Variants in PLD1 observed in about 807,000 individuals in gnomAD.
PLD1 encodes the protein phospholipase D1, also known as choline phosphatase 1.
In PLD1, 112 loss-of-function variants were observed where a neutral mutation model predicts 137.1. The ratio of observed to expected loss-of-function variants is 0.82; its 90% CI spans 0.70 to 0.96. The LOEUF (loss-of-function observed/expected upper bound fraction) is 0.96. Among genes scored for constraint, PLD1 ranks in the 40% least tolerant of loss-of-function variants. The probability of loss-of-function intolerance (pLI) is 0.00; values close to 1 mark genes in which losing one functional copy is unlikely to be tolerated. For synonymous variants in PLD1, 431 were observed against 454.7 expected (o/e 0.95, Z 0.66); for missense variants, 1,321 against 1,342.0 (o/e 0.98, Z 0.24).
intron 23 of PLD1, among the ~76,000 whole-genome samples, chr3:171,635,427 TTTATTA>T (rs138861146): frequency 2.0e-5 from 3 of 151,540 alleles, no homozygotes; most frequent in East Asian, 1.9e-4. Context: ...TTGCCAATAC[TTTATTA>T]TTATTATTAT....
intron 1 of PLD1, among the ~76,000 whole-genome samples, chr3:171,743,394 T>C (rs1578396448): frequency 6.6e-6 from 1 of 152,220 alleles, no homozygotes; most frequent in East Asian, 1.9e-4. Flanking sequence ...ATTTCTGGAC[T>C]GTACTACACT....
intron 1 of PLD1, among the ~76,000 whole-genome samples, chr3:171,742,950 T>A (rs1008044677): frequency 5.9e-5 from 9 of 152,210 alleles, no homozygotes; most frequent in East Asian, 5.8e-4. Context: ...ACTTTTTTTT[T>A]AAAAGGAACA....
At chr3:171,808,126 T>G (rs2108363725) in intron 1 of PLD1, among the ~76,000 whole-genome samples, 1 of 152,232 alleles carries the variant, frequency 6.6e-6, no homozygotes, top group Non-Finnish European at 1.5e-5. Flanking sequence ...GGTACTATGC[T>G]CACCACCTGG....
chr3:171,618,097 C>A (rs1385667622), intron 24 of PLD1, among the ~76,000 whole-genome samples: 1 of 151,782 alleles, frequency 6.6e-6, no homozygotes, highest in Non-Finnish European at 1.5e-5. Context: ...GAAATCGATT[C>A]TCTAAGGCAC....
In PLD1 at chr3:171,709,684, A is replaced by G; in HGVS notation, c.937T>C (p.Tyr313His). Reference protein sequence around the residue: ...SRTLILKCNSYRHARWWGGAI... With the variant: ...SRTLILKCNSHRHARWWGGAI... ...CCTCCCCACCACCGAGCATGTCTATAGCTGTTGCATTTTAAAATAAGTGTC... is the reference window on the plus strand; with the variant it reads ...CCTCCCCACCACCGAGCATGTCTATGGCTGTTGCATTTTAAAATAAGTGTC... Residue 313 changes from tyrosine to histidine, a missense_variant, in exon 10 of 27, where the codon TAT becomes CAT. Tyr to His is a moderately conservative substitution (Grantham distance 83, BLOSUM62 2). Transcript: ENST00000351298. The G allele has an allele frequency of 6.2e-7, 1 of 1,613,212 alleles. No homozygotes were observed. The highest frequency in any genetic ancestry group is 1.1e-5 in the South Asian group (1 of 90,740).
At chr3:171,674,730 C>T (rs1713157614) in intron 18 of PLD1, 117 bp from the exon 19 acceptor site, 1 of 536,228 alleles carries the variant, frequency 1.9e-6, no homozygotes, top group Non-Finnish European at 3.4e-6. Flanking sequence ...GTAATCCCAG[C>T]ACTTTGGGAG....
chr3:171,718,092 A>G (rs1298151934), intron 8 of PLD1, among the ~76,000 whole-genome samples: 2 of 152,236 alleles, frequency 1.3e-5, no homozygotes, highest in African/African-American at 4.8e-5. Context: ...AGATTCAAAT[A>G]AACACAATTA....
intron 1 of PLD1, among the ~76,000 whole-genome samples, chr3:171,804,916 T>A (rs1311744228): frequency 6.6e-6 from 1 of 152,254 alleles, no homozygotes; most frequent in African/African-American, 2.4e-5. Context: ...CCTCTGCCAA[T>A]GCCTCGTCTC....
chr3:171,621,931 T>C (rs1402295974), intron 23 of PLD1, among the ~76,000 whole-genome samples: 1 of 152,254 alleles, frequency 6.6e-6, no homozygotes, highest in African/African-American at 2.4e-5. Flanking sequence ...CAAGTTATTC[T>C]ACTGTTGTAC....
chr3:171,778,393 C>G (rs1168888299), intron 1 of PLD1, among the ~76,000 whole-genome samples: 4 of 152,086 alleles, frequency 2.6e-5, no homozygotes, highest in Admixed American at 2.6e-4. Flanking sequence ...AAAATTAAAA[C>G]AAATATATAT....
chr3:171,786,905 G>A (rs937696785), intron 1 of PLD1, among the ~76,000 whole-genome samples: 2 of 152,080 alleles, frequency 1.3e-5, no homozygotes, highest in African/African-American at 4.8e-5. Flanking sequence ...CAGTGCCTCC[G>A]TAGTGATGCC....
At chr3:171,692,838 CTTCTT>C (rs1337677936) in intron 12 of PLD1, among the ~76,000 whole-genome samples, 1 of 152,118 alleles carries the variant, frequency 6.6e-6, no homozygotes, top group East Asian at 1.9e-4. Flanking sequence ...TACTTTCTAA[CTTCTT>C]TTATAAACAA....
intron 16 of PLD1, among the ~76,000 whole-genome samples, chr3:171,683,074 T>G (rs562094470): frequency 1.3e-5 from 2 of 152,284 alleles, no homozygotes; most frequent in East Asian, 1.9e-4. Context: ...ACAGTGGCAA[T>G]TGTCCTCAAA....
At chr3:171,644,150 T>C (rs1416043312) in intron 22 of PLD1, among the ~76,000 whole-genome samples, 2 of 152,142 alleles carry the variant, frequency 1.3e-5, no homozygotes, top group Non-Finnish European at 2.9e-5. Context: ...AGGGTTTGAT[T>C]AGAAAGGTGA....
At position 171,631,674 on chromosome 3, in the gene PLD1, C is replaced by CA. The variant is rs1417550196; in HGVS notation, c.2594-11155dup. On this transcript the variant is annotated intron_variant, in intron 23 of 26. Transcript: ENST00000351298. The stretch of plus-strand genomic sequence containing the variant: ...TAGCGGGGACATGTCCAAAAATCAT[C>CA]AAGCCACCTTTAAAAGGCCCTCATT... 2.0e-5 allele frequency among the ~76,000 whole-genome samples: 3 copies of CA among 152,122 alleles called. No individual in the cohort carries two copies. The East Asian group carries it at 5.8e-4, about 29-fold the overall frequency.
At chr3:171,730,278 AG>A (rs576366291) in intron 6 of PLD1, among the ~76,000 whole-genome samples, 288 of 152,294 alleles carry the variant, frequency 1.9e-3, no homozygotes, top group African/African-American at 6.7e-3. Flanking sequence ...ATTTATGCTT[AG>A]GGTAAAGAGG....
At chr3:171,785,564 G>A (rs972494232) in intron 1 of PLD1, among the ~76,000 whole-genome samples, 1 of 151,936 alleles carries the variant, frequency 6.6e-6, no homozygotes, top group Admixed American at 6.6e-5. Flanking sequence ...TCAGCCTCCC[G>A]AGTAGCTCGC....
intron 22 of PLD1, chr3:171,643,219 A>G (rs1179191506): frequency 4.3e-6 from 1 of 231,322 alleles, no homozygotes; most frequent in Admixed American, 6.1e-5. Context: ...TAAATTTAGA[A>G]TGCATCAGTA....
chr3:171,745,957 T>G (rs1338556882), intron 1 of PLD1, among the ~76,000 whole-genome samples: 4 of 152,176 alleles, frequency 2.6e-5, no homozygotes, highest in Admixed American at 6.5e-5. Flanking sequence ...TGGGTGGGCG[T>G]GGGCTCGGCA....
Sources: allele counts gnomAD v4.1 joint callset (sites outside exome capture counted in the v4.1 genomes callset), GRCh38; gene constraint gnomAD v4.1.1; transcripts MANE v1.5; gene names NCBI Gene and HGNC (gene_info 2026-07-23, HGNC 2026-07-21).